ERGIC1: variants seen among roughly 807,000 people sequenced by gnomAD.
ERGIC1 encodes endoplasmic reticulum-Golgi intermediate compartment protein 1.
ERGIC1 carries 19 observed loss-of-function variants against 38.3 expected under a neutral mutation model. That is an observed-to-expected ratio of 0.50 (90% CI 0.35 to 0.73). ERGIC1 has a LOEUF of 0.73. Among genes scored for constraint, ERGIC1 ranks in the 30% least tolerant of loss-of-function variants. ERGIC1 has a pLI of 0.01. For missense variants in ERGIC1, 294 were observed against 389.2 expected, an observed-to-expected ratio of 0.76 and a Z score of 2.06; for synonymous variants, 124 against 157.6, an observed-to-expected ratio of 0.79 and a Z score of 1.60.
rs143834747 is a variant in ERGIC1, at chr5:172,922,702, G to A, written c.376-1303G>A. On this transcript the variant is annotated intron_variant, in intron 5 of 9. Transcript: ENST00000393784. ...GCAGGAGGCCAAGCGGTGGGGACAC[G>A]ATGCTTGGCCAGCGGCCAGATGTGG... 6.3e-3 allele frequency among the ~76,000 whole-genome samples: 962 copies of A among 152,360 alleles called. 9 individuals are homozygous for A. The highest frequency in any genetic ancestry group is 0.023 in the South Asian group (111 of 4,830).
intron 3 of ERGIC1, among the ~76,000 whole-genome samples, chr5:172,907,013 GC>G (rs1329716872): frequency 6.6e-6 from 1 of 152,198 alleles, no homozygotes; most frequent in African/African-American, 2.4e-5. Flanking sequence ...AAGAAACACA[GC>G]AGTGTGTCTG....
At chr5:172,883,609 T>C (rs1290789884) in intron 1 of ERGIC1, among the ~76,000 whole-genome samples, 4 of 152,190 alleles carry the variant, frequency 2.6e-5, no homozygotes, top group African/African-American at 9.7e-5. Context: ...TGCTGTGCCC[T>C]CCTCAGTGCG....
intron 1 of ERGIC1, among the ~76,000 whole-genome samples, chr5:172,880,664 C>T (rs1454440413): frequency 6.6e-6 from 1 of 152,236 alleles, no homozygotes; most frequent in Non-Finnish European, 1.5e-5. Flanking sequence ...ATTGCACCTT[C>T]AAGTGAGCAA....
At chr5:172,929,173 A>G (rs541654556) in intron 7 of ERGIC1, among the ~76,000 whole-genome samples, 6,253 of 113,380 alleles carry the variant, frequency 0.055, 186 homozygotes, top group Middle Eastern at 0.091. Flanking sequence ...GTGTGTGTGT[A>G]TATAAGTATA....
At chr5:172,886,016 G>T (rs969955420) in intron 1 of ERGIC1, among the ~76,000 whole-genome samples, 1 of 152,068 alleles carries the variant, frequency 6.6e-6, no homozygotes, top group Admixed American at 6.5e-5. Flanking sequence ...TGTCAGCTGG[G>T]GCTCGGTGAT....
At chr5:172,902,872 T>G (rs11134765) in intron 3 of ERGIC1, among the ~76,000 whole-genome samples, 61,987 of 151,760 alleles carry the variant, frequency 0.41, 13,968 homozygotes, top group Non-Finnish European at 0.52. Context: ...ACTATTTAAG[T>G]GCTCTTCAAA....
intron 1 of ERGIC1, among the ~76,000 whole-genome samples, chr5:172,843,095 G>C (rs939503733): frequency 6.6e-6 from 1 of 152,204 alleles, no homozygotes; most frequent in Non-Finnish European, 1.5e-5. Flanking sequence ...GCAGTGAGCC[G>C]AGATTGTGCC....
chr5:172,908,329 G>GGAGGTGGGGGAGGAGGGGGAGGGGGGA (rs1561729719), intron 3 of ERGIC1, among the ~76,000 whole-genome samples: 2 of 2,682 alleles, frequency 7.5e-4, no homozygotes, highest in African/African-American at 1.4e-3. Flanking sequence ...AGAGAGGGGA[G>GGAGGTGGGGGAGGAGGGGGAGGGGGGA]GGGGGGAGGG....
chr5:172,951,065 A>C lies in ERGIC1; in HGVS notation c.*249A>C. Reference sequence around the variant, plus strand: ...CCTGGGGAGCCCCAAGAACAGAGTCAGGCAAGGGGTGGGGAGTCCAGGGAT... The same window carrying C: ...CCTGGGGAGCCCCAAGAACAGAGTCCGGCAAGGGGTGGGGAGTCCAGGGAT... On this transcript the variant is annotated 3_prime_UTR_variant, in exon 10 of 10. Coordinates refer to ENST00000393784, the MANE Select transcript of ERGIC1 (RefSeq NM_001031711.3). The C allele has an allele frequency of 2.4e-6, 1 of 420,658 alleles. No individual in the cohort carries two copies. Among genetic ancestry groups the C allele is most frequent in the Non-Finnish European group, 4.3e-6 (1 of 233,150 alleles). The allele number at this position is 420,658 out of a possible 1,614,324, so 26.1% of individuals were successfully genotyped here.
intron 7 of ERGIC1, among the ~76,000 whole-genome samples, chr5:172,928,505 T>A (rs963105778): frequency 6.6e-6 from 1 of 152,176 alleles, no homozygotes; most frequent in Non-Finnish European, 1.5e-5. Context: ...TAACCCTCAC[T>A]CCTAAGGACA....
intron 4 of ERGIC1, chr5:172,914,489 G>A (rs1198835937): frequency 4.6e-6 from 3 of 645,238 alleles, no homozygotes; most frequent in African/African-American, 1.8e-5. Flanking sequence ...CAGACCCCAG[G>A]GTGGCCCCGG....
intron 1 of ERGIC1, among the ~76,000 whole-genome samples, chr5:172,858,540 G>A (rs529866783): frequency 2.7e-4 from 41 of 152,308 alleles, no homozygotes; most frequent in South Asian, 1.2e-3. Context: ...GAATCCGGGC[G>A]GTGACACAGA....
chr5:172,872,082 A>G (rs1456205722), intron 1 of ERGIC1, among the ~76,000 whole-genome samples: 3 of 152,150 alleles, frequency 2.0e-5, no homozygotes, highest in African/African-American at 7.2e-5. Flanking sequence ...CTCCCAGCCC[A>G]GTGCAGTAAC....
At chr5:172,919,126 CG>C (rs1344276656) in intron 5 of ERGIC1, among the ~76,000 whole-genome samples, 2 of 152,164 alleles carry the variant, frequency 1.3e-5, no homozygotes, top group Non-Finnish European at 2.9e-5. Flanking sequence ...TGTTCTATAA[CG>C]GGGGGACAGC....
chr5:172,895,918 C>T (rs1462725780), intron 2 of ERGIC1, among the ~76,000 whole-genome samples: 2 of 152,054 alleles, frequency 1.3e-5, no homozygotes, highest in African/African-American at 4.8e-5. Flanking sequence ...CTCTGGGGCA[C>T]TTGTTATGTC....
chr5:172,876,193 C>T (rs1242873374), intron 1 of ERGIC1, among the ~76,000 whole-genome samples: 1 of 152,168 alleles, frequency 6.6e-6, no homozygotes, highest in Non-Finnish European at 1.5e-5. Flanking sequence ...CAGGCAGGGG[C>T]AGCCTGGTCT....
At chr5:172,908,485 A>T (rs1389867638) in intron 3 of ERGIC1, among the ~76,000 whole-genome samples, 1 of 151,804 alleles carries the variant, frequency 6.6e-6, no homozygotes, top group Non-Finnish European at 1.5e-5. Flanking sequence ...CTGAGGCAGA[A>T]TAATTGCTTG....
At chr5:172,877,458 A>ATATTTT (rs58452182) in intron 1 of ERGIC1, among the ~76,000 whole-genome samples, 7 of 86,636 alleles carry the variant, frequency 8.1e-5, no homozygotes, top group African/African-American at 3.0e-4. Context: ...ATATATATAT[A>ATATTTT]TTTTTTTTTT....
At chr5:172,915,613 C>T (rs1459686554) in intron 5 of ERGIC1, 1 of 471,202 alleles carries the variant, frequency 2.1e-6, no homozygotes, top group Admixed American at 2.3e-5. Context: ...TTGCTCAGCA[C>T]GTGCCGGCCT....
Sources: allele counts gnomAD v4.1 joint callset (sites outside exome capture counted in the v4.1 genomes callset), GRCh38; gene constraint gnomAD v4.1.1; transcripts MANE v1.5; gene names NCBI Gene and HGNC (gene_info 2026-07-23, HGNC 2026-07-21).